Variants in PPCS observed in about 807,000 individuals in gnomAD.
PPCS encodes phosphopantothenoylcysteine synthetase.
A neutral mutation model predicts 24.6 loss-of-function variants in PPCS; 17 were observed. The ratio of observed to expected loss-of-function variants is 0.69; its 90% CI spans 0.47 to 1.04. The LOEUF is 1.04. Ranked by LOEUF, PPCS falls within the 50% of genes least tolerant of loss-of-function variation. The pLI is 0.00. For synonymous variants in PPCS, 190 were observed against 168.3 expected (o/e 1.13, Z -1.00); for missense variants, 360 against 402.8 (o/e 0.89, Z 0.91).
At chr1:42,458,432 G>T (rs1267161700) in intron 2 of PPCS, among the ~76,000 whole-genome samples, 2 of 152,136 alleles carry the variant, frequency 1.3e-5, no homozygotes, top group African/African-American at 4.8e-5. Flanking sequence ...TATCTGTGGG[G>T]CATTTGCCGA....
Position 42,456,906 on chromosome 1 carries a change from G to C in PPCS, c.341G>C (p.Gly114Ala). ...CGGCCTTCGGGCCCAGCCCTTTCGGGCTTGCTGAGCCTGGAGGCCGAGGAG... is the reference window on the plus strand; with the variant it reads ...CGGCCTTCGGGCCCAGCCCTTTCGGCCTTGCTGAGCCTGGAGGCCGAGGAG... ...ALRPSGPALS[G>A]LLSLEAEENA... is the part of the protein sequence containing the mutation. The change falls in exon 1 of 3, where the codon GGC becomes GCC. Residue 114 changes from glycine (G) to alanine (A), a missense_variant. This residue lies in a region of PPCS where 244 missense variants were observed against 234.7 expected (regional missense o/e 1.04). Transcript: ENST00000372561. 3 of 1,611,712 alleles carry C rather than the reference G, an allele frequency of 1.9e-6. No individual in the cohort carries two copies. The highest frequency in any genetic ancestry group is 2.5e-6 in the Non-Finnish European group (3 of 1,180,028).
chr1:42,471,638 T>C (rs1303957027), intron 2 of PPCS, among the ~76,000 whole-genome samples: 1 of 152,024 alleles, frequency 6.6e-6, no homozygotes, highest in African/African-American at 2.4e-5. Context: ...TCAAAGACCT[T>C]GTAGGGAGAA....
chr1:42,462,773 C>A (rs1569638136), downstream of PPCS, among the ~76,000 whole-genome samples: 1 of 151,826 alleles, frequency 6.6e-6, no homozygotes, highest in South Asian at 2.1e-4. Context: ...CTTAGGACTT[C>A]TAAAGGGCTT....
At chr1:42,456,427 G>T, upstream of PPCS, 1 of 926,176 alleles carries the variant, frequency 1.1e-6, no homozygotes, top group Non-Finnish European at 1.5e-6. Flanking sequence ...TTCCAGACTT[G>T]GCGAGATCGG....
intron 2 of PPCS, among the ~76,000 whole-genome samples, chr1:42,457,942 C>G (rs1395011027): frequency 7.1e-6 from 1 of 140,936 alleles, no homozygotes; most frequent in Non-Finnish European, 1.5e-5. Flanking sequence ...GCGACGAGAG[C>G]GATACTCCGT....
At chr1:42,457,117 T>G (rs1173832811) in intron 1 of PPCS, 44 bp downstream of exon 1, 1 of 1,575,952 alleles carries the variant, frequency 6.3e-7, no homozygotes, top group Non-Finnish European at 8.6e-7. Flanking sequence ...AGCACAGCCT[T>G]TCTTTCCAGC....
chr1:42,465,684 TGGGGA>T (rs1342526810), downstream of PPCS, among the ~76,000 whole-genome samples: 1 of 152,140 alleles, frequency 6.6e-6, no homozygotes, highest in African/African-American at 2.4e-5. Context: ...GTTTTAAACC[TGGGGA>T]GTGGGGTGGG....
At chr1:42,466,872 C>T (rs978028828) in intron 2 of PPCS, among the ~76,000 whole-genome samples, 4 of 152,092 alleles carry the variant, frequency 2.6e-5, no homozygotes, top group African/African-American at 9.7e-5. Context: ...TTCTTATGTA[C>T]TTTGTTGTGT....
chr1:42,459,021 G>A (rs1012380153), intron 2 of PPCS, among the ~76,000 whole-genome samples: 7 of 152,192 alleles, frequency 4.6e-5, no homozygotes, highest in Non-Finnish European at 7.3e-5. Context: ...AAAATAAAGG[G>A]ACATGCTTGA....
downstream of PPCS, among the ~76,000 whole-genome samples, chr1:42,464,973 A>T (rs1643522981): frequency 6.6e-6 from 1 of 152,208 alleles, no homozygotes; most frequent in Admixed American, 6.5e-5. Context: ...CAGCCTTTTC[A>T]ATCTTGCACA....
intron 2 of PPCS, among the ~76,000 whole-genome samples, chr1:42,466,631 A>G (rs1475596754): frequency 6.6e-6 from 1 of 150,468 alleles, no homozygotes; most frequent in Non-Finnish European, 1.5e-5. Context: ...GGCTCACTGC[A>G]GCCTCTGCCT....
chr1:42,467,452 C>T (rs997389234), intron 2 of PPCS, among the ~76,000 whole-genome samples: 3 of 151,960 alleles, frequency 2.0e-5, no homozygotes, highest in African/African-American at 7.2e-5. Flanking sequence ...TGGTTGCATA[C>T]CAGAGTAGAA....
rs200337358 is a variant in PPCS at position 42,457,257 on chromosome 1, G to C, written c.519G>C (p.Ala173=). 2.5e-6 allele frequency: 4 copies of C among 1,614,148 alleles called. No homozygotes were observed. Among genetic ancestry groups the C allele is most frequent in the Non-Finnish European group, 2.5e-6 (3 of 1,180,010 alleles). Residue 173 remains alanine, a synonymous_variant, in exon 2 of 3, where the codon GCG becomes GCC. Transcript: ENST00000372561. Reference sequence around the variant, plus strand: ...TGTTTCTCTTTGCAGGCCCTTCTGCGATGTTTTACCTGGCTGCGGCTGTGT... The same window carrying C: ...TGTTTCTCTTTGCAGGCCCTTCTGCCATGTTTTACCTGGCTGCGGCTGTGT... The part of the protein sequence containing the change: ...AQALNPLGPS[A]MFYLAAAVSD...
upstream of PPCS, chr1:42,456,530 G>A (rs748014918): frequency 2.8e-6 from 4 of 1,440,260 alleles, no homozygotes. Flanking sequence ...CGCGGCGGCC[G>A]CGAAACGTGC....
chr1:42,461,317 G>A, downstream of PPCS, among the ~76,000 whole-genome samples: 1 of 152,152 alleles, frequency 6.6e-6, no homozygotes, highest in East Asian at 1.9e-4. Context: ...AGACTGTTCT[G>A]GAAGCAGCAG....
rs1224228153 is a variant in PPCS, at chr1:42,459,629, G to T, written c.639G>T (p.Leu213=). Residue 213 remains leucine (L), a synonymous_variant, in exon 3 of 3, where the codon CTG becomes CTT. Coordinates refer to ENST00000372561, the MANE Select transcript of PPCS (RefSeq NM_024664.4). ...LQITMKMVPK[L]LSPLVKDWAP... ...TAACAATGAAGATGGTGCCAAAACT[G>T]CTTTCTCCTTTGGTTAAAGATTGGG... 3 of 1,613,742 alleles carry T rather than the reference G, an allele frequency of 1.9e-6. No individual in the cohort carries two copies. The highest frequency in any genetic ancestry group is 2.5e-6 in the Non-Finnish European group (3 of 1,179,892).
At chr1:42,465,310 C>CA (rs1003626532), downstream of PPCS, among the ~76,000 whole-genome samples, 6 of 151,548 alleles carry the variant, frequency 4.0e-5, no homozygotes, top group African/African-American at 1.5e-4. Context: ...GACCCTGTCT[C>CA]AAAAAAAATA....
At chr1:42,469,862 A>AC (rs1643710675) in intron 2 of PPCS, among the ~76,000 whole-genome samples, 1 of 152,168 alleles carries the variant, frequency 6.6e-6, no homozygotes, top group African/African-American at 2.4e-5. Flanking sequence ...GGGAGAGGTA[A>AC]AAGTTTTGAA....
intron 2 of PPCS, among the ~76,000 whole-genome samples, chr1:42,469,261 A>C (rs1643687723): frequency 6.6e-6 from 1 of 152,222 alleles, no homozygotes. Flanking sequence ...ACATTTCTGT[A>C]GTCCTAGCTC....
Sources: gnomAD v4.1 joint callset for allele counts (sites outside exome capture counted in the v4.1 genomes callset) on GRCh38, gnomAD v4.1.1 for gene constraint, gnomAD v4.1.1 regional missense constraint, MANE v1.5 for transcripts, NCBI Gene and HGNC (gene_info 2026-07-23, HGNC 2026-07-21) for gene names.